XKR6: variants seen among roughly 807,000 people sequenced by gnomAD.
XKR6 encodes XK related 6.
In XKR6, 22 loss-of-function variants were observed where a neutral mutation model predicts 56.7. The ratio of observed to expected loss-of-function variants is 0.39; its 90% CI spans 0.28 to 0.55. The LOEUF (loss-of-function observed/expected upper bound fraction) is 0.55. Among genes scored for constraint, XKR6 ranks in the 20% least tolerant of loss-of-function variants. The pLI, the probability that XKR6 is intolerant of heterozygous loss-of-function variation, is 0.66. For missense variants in XKR6, 852 were observed against 889.0 expected (o/e 0.96, Z 0.53); for synonymous variants, 524 against 387.8 (o/e 1.35, Z -4.13).
chr8:10,940,091 G>A (rs1357337700), intron 1 of XKR6, among the ~76,000 whole-genome samples: 1 of 152,254 alleles, frequency 6.6e-6, no homozygotes, highest in African/African-American at 2.4e-5. Context: ...GACCATGTCT[G>A]TGCTGGTCAC....
chr8:11,103,093 C>A (rs1798545205), intron 1 of XKR6, among the ~76,000 whole-genome samples: 1 of 152,138 alleles, frequency 6.6e-6, no homozygotes, highest in Non-Finnish European at 1.5e-5. Flanking sequence ...AGTTTTAGAT[C>A]AGTTGCTGAT....
Position 10,969,760 on chromosome 8 carries a change from C to T in XKR6, c.765-44930G>A, listed in dbSNP as rs774543156. The stretch of plus-strand genomic sequence containing the variant: ...TGGGGCTGAGCTGGAGGCTGCAGCC[C>T]TGCCCCTAGCCAGGAGGCCACAGTA... On this transcript the variant is annotated intron_variant, in intron 1 of 2. Coordinates refer to ENST00000416569, the MANE Select transcript of XKR6 (RefSeq NM_173683.4). Among the ~76,000 whole-genome samples the T allele has an allele frequency of 2.5e-4, 38 of 152,352 alleles. 1 individual carries two copies. Among genetic ancestry groups the T allele is most frequent in the Non-Finnish European group, 5.4e-4 (37 of 68,028 alleles).
At chr8:11,133,300 T>A (rs1800208235) in intron 1 of XKR6, among the ~76,000 whole-genome samples, 1 of 152,056 alleles carries the variant, frequency 6.6e-6, no homozygotes, top group Non-Finnish European at 1.5e-5. Flanking sequence ...CATCAGGCCC[T>A]CCTTTGTGAG....
intron 1 of XKR6, among the ~76,000 whole-genome samples, chr8:10,944,850 A>G (rs998514334): frequency 3.3e-5 from 5 of 152,094 alleles, no homozygotes; most frequent in Non-Finnish European, 7.4e-5. Context: ...CTTTCCAGCA[A>G]CTCTGACATC....
chr8:10,973,230 T>C (rs1195745834), intron 1 of XKR6, among the ~76,000 whole-genome samples: 1 of 152,232 alleles, frequency 6.6e-6, no homozygotes, highest in Non-Finnish European at 1.5e-5. Context: ...AACCCATCAC[T>C]AATGGGTCAT....
chr8:10,982,311 G>C (rs900772879), intron 1 of XKR6, among the ~76,000 whole-genome samples: 1 of 152,220 alleles, frequency 6.6e-6, no homozygotes, highest in Non-Finnish European at 1.5e-5. Context: ...CAAGAAAGAA[G>C]GAAGTCCGAA....
intron 2 of XKR6, among the ~76,000 whole-genome samples, chr8:10,900,517 G>T (rs886353433): frequency 1.3e-5 from 2 of 152,214 alleles, no homozygotes; most frequent in African/African-American, 4.8e-5. Flanking sequence ...GTTACAATGG[G>T]CATGTGTGAC....
intron 1 of XKR6, among the ~76,000 whole-genome samples, chr8:11,157,423 C>A (rs1362401078): frequency 1.3e-5 from 2 of 152,048 alleles, no homozygotes; most frequent in African/African-American, 4.8e-5. Context: ...TATATGGATA[C>A]TCTGTGCTAT....
intron 1 of XKR6, among the ~76,000 whole-genome samples, chr8:11,199,661 T>C (rs978514774): frequency 4.6e-5 from 7 of 152,228 alleles, no homozygotes; most frequent in Non-Finnish European, 7.3e-5. Flanking sequence ...ATTTCCTCAG[T>C]TTAGCCAGTG....
intron 1 of XKR6, chr8:11,035,442 C>T (rs1799116155): frequency 2.2e-6 from 1 of 459,910 alleles, no homozygotes; most frequent in African/African-American, 2.0e-5. Context: ...TCTCTGCACC[C>T]AAACAGGATC....
chr8:11,088,963 T>C (rs1414087362), intron 1 of XKR6, among the ~76,000 whole-genome samples: 1 of 152,176 alleles, frequency 6.6e-6, no homozygotes, highest in East Asian at 1.9e-4. Flanking sequence ...GCCCAATAAA[T>C]GCATGATGGA....
At chr8:11,142,417 G>A (rs184819047) in intron 1 of XKR6, among the ~76,000 whole-genome samples, 23 of 152,308 alleles carry the variant, frequency 1.5e-4, no homozygotes, top group African/African-American at 5.3e-4. Context: ...CAGTTTGGAT[G>A]TTTAACCCCT....
intron 1 of XKR6, among the ~76,000 whole-genome samples, chr8:10,991,171 TGGGATTACA>T (rs1171715453): frequency 6.6e-6 from 1 of 152,188 alleles, no homozygotes; most frequent in African/African-American, 2.4e-5. Context: ...CCCAAAGTGC[TGGGATTACA>T]GGCGTGAGCC....
intron 2 of XKR6, among the ~76,000 whole-genome samples, chr8:10,921,958 C>A (rs1282272519): frequency 6.6e-6 from 1 of 152,220 alleles, no homozygotes; most frequent in African/African-American, 2.4e-5. Flanking sequence ...GGACTCCTCT[C>A]TAGCGAATGG....
chr8:11,156,419 C>T (rs1215312618), intron 1 of XKR6, among the ~76,000 whole-genome samples: 1 of 152,222 alleles, frequency 6.6e-6, no homozygotes, highest in Non-Finnish European at 1.5e-5. Context: ...CTGCCTGCCT[C>T]TTCAGCTGGG....
At chr8:10,912,926 T>C (rs1001221420) in intron 2 of XKR6, among the ~76,000 whole-genome samples, 1 of 150,548 alleles carries the variant, frequency 6.6e-6, no homozygotes, top group Non-Finnish European at 1.5e-5. Flanking sequence ...TATCTATATG[T>C]AGAGAGTGTA....
At chr8:11,076,843 G>A (rs980998680) in intron 1 of XKR6, among the ~76,000 whole-genome samples, 1 of 152,160 alleles carries the variant, frequency 6.6e-6, no homozygotes, top group South Asian at 2.1e-4. Flanking sequence ...GAAAGTTCAG[G>A]CCTTTACAAG....
rs548812819 is a variant in XKR6, at chr8:11,065,713, C to A, written c.764+134863G>T. Among the ~76,000 whole-genome samples, 5 of 152,166 alleles carry A rather than the reference C, an allele frequency of 3.3e-5. No homozygotes were observed. In the East Asian group the frequency reaches 9.6e-4, roughly 29 times the overall value. Reference sequence around the variant, plus strand: ...ACTCCATCTTTCCCTCCAAGCCGGGCTAAAGTCCGGTCTCTTCCGGAGCCT... The same window carrying A: ...ACTCCATCTTTCCCTCCAAGCCGGGATAAAGTCCGGTCTCTTCCGGAGCCT... On this transcript the variant is annotated intron_variant, in intron 1 of 2. Coordinates refer to ENST00000416569, the MANE Select transcript of XKR6 (RefSeq NM_173683.4).
At chr8:11,025,078 C>T (rs904132697) in intron 1 of XKR6, among the ~76,000 whole-genome samples, 11 of 152,304 alleles carry the variant, frequency 7.2e-5, no homozygotes, top group South Asian at 2.1e-4. Context: ...CATCTTTCTA[C>T]GAGGCCTTGG....
Sources: gnomAD v4.1 joint callset for allele counts (sites outside exome capture counted in the v4.1 genomes callset) on GRCh38, gnomAD v4.1.1 for gene constraint, MANE v1.5 for transcripts, NCBI Gene and HGNC (gene_info 2026-07-23, HGNC 2026-07-21) for gene names.